The following IRGM variants were observed in gnomAD, a reference collection of about 807,000 sequenced individuals.
IRGM encodes the protein immunity-related GTPase family M protein.
For missense variants in IRGM, 288 were observed against 219.9 expected, an observed-to-expected ratio of 1.31 and a Z score of -1.96; for synonymous variants, 98 against 80.6, an observed-to-expected ratio of 1.22 and a Z score of -1.16.
At chr5:150,900,141 T>G (rs1019283701) in intron 3 of IRGM, among the ~76,000 whole-genome samples, 4 of 152,138 alleles carry the variant, frequency 2.6e-5, no homozygotes, top group Non-Finnish European at 5.9e-5. Context: ...ATACTAAATA[T>G]ATGATTGATG....
intron 3 of IRGM, chr5:150,897,206 G>T (rs1451907881): frequency 5.1e-6 from 2 of 391,068 alleles, no homozygotes; most frequent in Non-Finnish European, 9.0e-6. Context: ...AAAAAGTGGG[G>T]TCTCATCACT....
At chr5:150,898,590 C>A (rs372058437) in intron 3 of IRGM, 4 of 1,544,040 alleles carry the variant, frequency 2.6e-6, no homozygotes, top group Non-Finnish European at 2.6e-6. Context: ...CTGAAATGAT[C>A]ATTCTCATAA....
intron 1 of IRGM, among the ~76,000 whole-genome samples, chr5:150,865,022 T>C (rs978205588): frequency 6.6e-6 from 1 of 152,254 alleles, no homozygotes; most frequent in Admixed American, 6.5e-5. Context: ...TGTTTGTCTC[T>C]TTCTCTTCTT....
chr5:150,886,263 G>A (rs1395881107), intron 3 of IRGM, among the ~76,000 whole-genome samples: 1 of 152,018 alleles, frequency 6.6e-6, no homozygotes, highest in African/African-American at 2.4e-5. Context: ...CTACTTGATC[G>A]TGGTGTATTG....
intron 1 of IRGM, among the ~76,000 whole-genome samples, chr5:150,860,024 T>C (rs994185615): frequency 6.6e-6 from 1 of 152,188 alleles, no homozygotes; most frequent in African/African-American, 2.4e-5. Context: ...TTGCCCAATA[T>C]GGCTAAATAA....
chr5:150,898,053 T>C, intron 3 of IRGM: 8 of 1,606,092 alleles, frequency 5.0e-6, no homozygotes, highest in Non-Finnish European at 5.9e-6. Flanking sequence ...AAATTGATAT[T>C]TCACTTCCCT....
chr5:150,863,808 T>C (rs1043001939), intron 1 of IRGM, among the ~76,000 whole-genome samples: 1 of 152,224 alleles, frequency 6.6e-6, no homozygotes, highest in Non-Finnish European at 1.5e-5. Flanking sequence ...TAACCTTTTA[T>C]CATTTTCTAA....
intron 3 of IRGM, chr5:150,898,539 T>G (rs1478376823): frequency 6.2e-7 from 1 of 1,611,478 alleles, no homozygotes; most frequent in Admixed American, 1.7e-5. Flanking sequence ...GCCACATCCT[T>G]GAATGATACT....
At chr5:150,895,830 C>T (rs1224316364) in intron 3 of IRGM, 1 of 1,613,712 alleles carries the variant, frequency 6.2e-7, no homozygotes, top group Non-Finnish European at 8.5e-7. Context: ...TGTCTTTCCA[C>T]ATTCAGTACA....
chr5:150,876,519 T>C (rs1754365253), intron 1 of IRGM, among the ~76,000 whole-genome samples: 1 of 152,190 alleles, frequency 6.6e-6, no homozygotes. Flanking sequence ...GTTACAGTGT[T>C]GGTTGGGGTG....
intron 3 of IRGM, among the ~76,000 whole-genome samples, chr5:150,893,587 A>T (rs1243961686): frequency 6.6e-6 from 1 of 152,164 alleles, no homozygotes; most frequent in Admixed American, 6.6e-5. Flanking sequence ...TGCACAGATT[A>T]AAAAATATAT....
chr5:150,886,325 T>G (rs1754521923), intron 3 of IRGM, among the ~76,000 whole-genome samples: 1 of 152,122 alleles, frequency 6.6e-6, no homozygotes. Context: ...TGAGGATTTT[T>G]GCATCAATGT....
At chr5:150,882,234 A>G (rs1043077667) in intron 3 of IRGM, among the ~76,000 whole-genome samples, 1 of 151,406 alleles carries the variant, frequency 6.6e-6, no homozygotes, top group Admixed American at 6.6e-5. Context: ...AAAGAAAAAA[A>G]AAAGAAAAAG....
chr5:150,871,309 A>G (rs545264708), intron 1 of IRGM, among the ~76,000 whole-genome samples: 9 of 152,254 alleles, frequency 5.9e-5, no homozygotes, highest in Admixed American at 4.6e-4. Flanking sequence ...TAAGAGCTCA[A>G]TGGTTAAAGT....
At chr5:150,856,911 A>T (rs1378825447) in intron 1 of IRGM, among the ~76,000 whole-genome samples, 15 of 70,688 alleles carry the variant, frequency 2.1e-4, no homozygotes, top group African/African-American at 1.0e-3. Flanking sequence ...AAATAAATAA[A>T]TATTTATTAT....
chr5:150,888,176 A>C (rs1307131329), intron 3 of IRGM, among the ~76,000 whole-genome samples: 4 of 151,924 alleles, frequency 2.6e-5, no homozygotes, highest in Admixed American at 2.6e-4. Context: ...ACAAACAAAC[A>C]AACGAAAAAC....
chr5:150,852,252 T>C (rs1375578664), downstream of IRGM, among the ~76,000 whole-genome samples: 1 of 152,220 alleles, frequency 6.6e-6, no homozygotes, highest in Non-Finnish European at 1.5e-5. Context: ...CTGACATTAC[T>C]ATAAATTCTT....
chr5:150,870,930 A>G (rs1270131481), intron 1 of IRGM, among the ~76,000 whole-genome samples: 2 of 152,114 alleles, frequency 1.3e-5, no homozygotes, highest in African/African-American at 4.8e-5. Flanking sequence ...ATCTGAAGGA[A>G]AGCTCCAAAT....
chr5:150,849,692 C>T (rs1419551316), downstream of IRGM, among the ~76,000 whole-genome samples: 8 of 150,768 alleles, frequency 5.3e-5, no homozygotes, highest in Non-Finnish European at 8.9e-5. Context: ...CTGCAACTTC[C>T]GCCTCCTGGG....
Sources: allele counts gnomAD v4.1 joint callset (sites outside exome capture counted in the v4.1 genomes callset), GRCh38; gene constraint gnomAD v4.1.1; transcripts MANE v1.5; gene names NCBI Gene and HGNC (gene_info 2026-07-23, HGNC 2026-07-21).